Variants in ITPR1 observed in about 807,000 individuals in gnomAD.
ITPR1 encodes the protein inositol 1,4,5-trisphosphate receptor type 1.
Under a neutral mutation model 318.4 loss-of-function variants are expected in ITPR1, and 96 were observed. That is an observed-to-expected ratio of 0.30 (90% CI 0.26 to 0.36). The LOEUF is 0.36. Among genes scored for constraint, ITPR1 ranks in the 10% least tolerant of loss-of-function variants. ITPR1 has a pLI of 1.00. For missense variants in ITPR1, 2,440 were observed against 3,460.2 expected (o/e 0.71, Z 7.40); for synonymous variants, 1,312 against 1,289.9 (o/e 1.02, Z -0.37).
intron 36 of ITPR1, among the ~76,000 whole-genome samples, chr3:4,705,485 T>A (rs1248997188): frequency 6.6e-6 from 1 of 152,212 alleles, no homozygotes; most frequent in East Asian, 1.9e-4. Context: ...TTGGTCCAGG[T>A]ACCACCTTGC....
chr3:4,520,662 T>A (rs2082490618), intron 3 of ITPR1, among the ~76,000 whole-genome samples: 1 of 152,180 alleles, frequency 6.6e-6, no homozygotes, highest in Non-Finnish European at 1.5e-5. Flanking sequence ...AGGGCCTGGC[T>A]CATATTCACC....
chr3:4,564,655 A>G (rs2087032132), intron 4 of ITPR1, among the ~76,000 whole-genome samples: 1 of 152,164 alleles, frequency 6.6e-6, no homozygotes, highest in African/African-American at 2.4e-5. Context: ...AGAAGGTGCC[A>G]TCTGTGAACT....
intron 4 of ITPR1, among the ~76,000 whole-genome samples, chr3:4,589,328 C>A (rs538280455): frequency 6.6e-6 from 1 of 152,242 alleles, no homozygotes; most frequent in South Asian, 2.1e-4. Context: ...GTGGTTGAGG[C>A]CCATTTCATG....
intron 4 of ITPR1, among the ~76,000 whole-genome samples, chr3:4,616,403 G>A (rs945821279): frequency 4.6e-5 from 7 of 151,914 alleles, no homozygotes; most frequent in African/African-American, 1.5e-4. Flanking sequence ...CCCTTGGTGG[G>A]GAATTAATAC....
In ITPR1 at chr3:4,745,459, A is replaced by G. The variant is rs112729424; in HGVS notation, c.5544+10105A>G. On this transcript the variant is annotated intron_variant, in intron 44 of 61. Coordinates refer to ENST00000649015, the MANE Select transcript of ITPR1 (RefSeq NM_001378452.1). Reference sequence around the variant, plus strand: ...TCTGACCGTCCTACCCCAAAGCATCATGGTTTCAGGTTAGTCACTCCCTTA... The same window carrying G: ...TCTGACCGTCCTACCCCAAAGCATCGTGGTTTCAGGTTAGTCACTCCCTTA... Among the ~76,000 whole-genome samples, 961 of 152,240 alleles carry G rather than the reference A, an allele frequency of 6.3e-3. 14 individuals carry two copies. The highest frequency in any genetic ancestry group is 0.022 in the African/African-American group (934 of 41,542).
In ITPR1 at chr3:4,836,823, G is replaced by A. The variant is rs1183061130; in HGVS notation, c.8078G>A (p.Ser2693Asn). ...AGGATGAGAGCCATGTCATTGGTCA[G>A]CAGTGATTCTGAAGGAGAACAGAAT... ...FPRMRAMSLV[S>N]SDSEGEQNEL... Residue 2693 changes from serine to asparagine, a missense_variant, in exon 61 of 62, where the codon AGC becomes AAC. Ser to Asn is a conservative substitution (Grantham distance 46). Around this residue, in one of 23 missense-constraint regions of ITPR1, gnomAD observed 72 missense variants for 197.7 expected, o/e 0.36. Coordinates refer to ENST00000649015, the MANE Select transcript of ITPR1 (RefSeq NM_001378452.1). The A allele has an allele frequency of 3.9e-6, 6 of 1,553,098 alleles. No homozygotes were observed. The East Asian group carries it at 1.4e-4, about 36-fold the overall frequency.
Position 4,693,294 on chromosome 3 carries a change from G to A in ITPR1, c.4030-196G>A, listed in dbSNP as rs952196071. Among the ~76,000 whole-genome samples, 5 of 152,112 alleles carry A rather than the reference G, an allele frequency of 3.3e-5. No individual in the cohort carries two copies. The South Asian group carries it at 1.0e-3, about 32-fold the overall frequency. ...TTTCTAGGGCCAGTGTGGTATTTCT[G>A]TATCTGTGGACTAAAATTATGATGC... On this transcript the variant is annotated intron_variant, in intron 32 of 61. Transcript: ENST00000649015.
intron 52 of ITPR1, among the ~76,000 whole-genome samples, chr3:4,794,297 G>T (rs1380084885): frequency 1.3e-5 from 2 of 152,222 alleles, no homozygotes; most frequent in African/African-American, 4.8e-5. Context: ...GGGCAGCGGT[G>T]GATTAAGGTG....
At position 4,826,372 on chromosome 3, in the gene ITPR1, G is replaced by T. The variant is rs1049361627; in HGVS notation, c.8028+8130G>T. ...GGCTCTGACAAGCCCTTAACCATGG[G>T]TGAGGATACAGCCTGTGCTGCCTGC... On this transcript the variant is annotated intron_variant, in intron 60 of 61. Transcript: ENST00000649015. The surrounding 1 kb of genome is among the most constrained non-coding windows in gnomAD (Gnocchi z 4.2). Among the ~76,000 whole-genome samples the T allele has an allele frequency of 6.6e-6, 1 of 152,210 alleles. No individual in the cohort carries two copies. Among genetic ancestry groups the T allele is most frequent in the African/African-American group, 2.4e-5 (1 of 41,450 alleles).
intron 34 of ITPR1, among the ~76,000 whole-genome samples, chr3:4,698,203 C>A (rs899218969): frequency 3.3e-5 from 5 of 152,148 alleles, no homozygotes; most frequent in Non-Finnish European, 5.9e-5. Flanking sequence ...CAGATACATA[C>A]CAGTTTCAGA....
chr3:4,735,097 AGT>A, intron 43 of ITPR1, 65 bp from the exon 44 acceptor site: 1 of 1,255,416 alleles, frequency 8.0e-7, no homozygotes, highest in Middle Eastern at 1.9e-4. Context: ...GTTGGTGCGT[AGT>A]AAGTATGCAG....
intron 2 of ITPR1, among the ~76,000 whole-genome samples, chr3:4,509,467 A>C (rs905530610): frequency 2.0e-5 from 3 of 152,198 alleles, no homozygotes; most frequent in Non-Finnish European, 4.4e-5. Flanking sequence ...AACACTGTAA[A>C]TTTGGCTTTA....
At chr3:4,707,586 A>C (rs2094787109) in intron 37 of ITPR1, among the ~76,000 whole-genome samples, 1 of 152,184 alleles carries the variant, frequency 6.6e-6, no homozygotes, top group South Asian at 2.1e-4. Context: ...GGTTCACTCC[A>C]GTTCAGGGGG....
chr3:4,681,246 G>C, intron 25 of ITPR1, 118 bp from the exon 26 acceptor site: 1 of 708,144 alleles, frequency 1.4e-6, no homozygotes, highest in Non-Finnish European at 2.6e-6. Context: ...GCAATATAAT[G>C]TTCTGGGAGA....
chr3:4,683,120 A>G (rs1299807639), intron 26 of ITPR1, among the ~76,000 whole-genome samples: 1 of 152,250 alleles, frequency 6.6e-6, no homozygotes, highest in African/African-American at 2.4e-5. Context: ...CCCTATGTAG[A>G]TGTTGAGAAT....
chr3:4,842,569 T>C (rs1260161823), intron 61 of ITPR1, among the ~76,000 whole-genome samples: 2 of 152,196 alleles, frequency 1.3e-5, no homozygotes, highest in African/African-American at 4.8e-5. Context: ...GGTTTTACCA[T>C]GTTGGCCAGG....
At chr3:4,530,725 G>A (rs185945498) in intron 4 of ITPR1, among the ~76,000 whole-genome samples, 5 of 152,026 alleles carry the variant, frequency 3.3e-5, no homozygotes, top group African/African-American at 1.2e-4. Context: ...AGGCCGCAGT[G>A]AGCCATGTTT....
chr3:4,611,239 A>AAG (rs2092095748), intron 4 of ITPR1, among the ~76,000 whole-genome samples: 1 of 147,494 alleles, frequency 6.8e-6, no homozygotes. Context: ...TACAAAAAAA[A>AAG]AAACAAAAAA....
At chr3:4,818,983 G>A (rs1352682568) in intron 60 of ITPR1, among the ~76,000 whole-genome samples, 13 of 152,108 alleles carry the variant, frequency 8.5e-5, no homozygotes, top group Non-Finnish European at 1.6e-4. Flanking sequence ...TGAAATCGAG[G>A]GAGTCTCTGT....
Sources: gnomAD v4.1 joint callset for allele counts (sites outside exome capture counted in the v4.1 genomes callset) on GRCh38, gnomAD v4.1.1 for gene constraint, gnomAD v4.1.1 regional missense constraint, Gnocchi (gnomAD v3.1) non-coding constraint, MANE v1.5 for transcripts, NCBI Gene and HGNC (gene_info 2026-07-23, HGNC 2026-07-21) for gene names.